AKAP9: variants seen among roughly 807,000 people sequenced by gnomAD.
AKAP9 encodes the protein A-kinase anchoring protein 9.
In AKAP9, 311 loss-of-function variants were observed where a neutral mutation model predicts 488.5. The ratio of observed to expected loss-of-function variants is 0.64; its 90% confidence interval spans 0.58 to 0.70. AKAP9 has a LOEUF of 0.70. Among genes scored for constraint, AKAP9 ranks in the 30% least tolerant of loss-of-function variants. The pLI is 0.00. For missense variants in AKAP9, 4,215 were observed against 4,374.5 expected, an observed-to-expected ratio of 0.96 and a Z score of 1.03; for synonymous variants, 1,462 against 1,483.5, an observed-to-expected ratio of 0.99 and a Z score of 0.33.
intron 26 of AKAP9, 41 bp downstream of exon 26, chr7:92,066,587 T>C: frequency 6.2e-7 from 1 of 1,608,666 alleles, no homozygotes; most frequent in Non-Finnish European, 8.5e-7. Context: ...CAGTAATTTG[T>C]ATCAAGTGTA....
intron 49 of AKAP9, 46 bp from the exon 50 acceptor site, chr7:92,110,076 G>A (rs1187668314): frequency 6.4e-6 from 9 of 1,417,074 alleles, no homozygotes. Context: ...GATACAGGTA[G>A]CAATGTAATT....
intron 14 of AKAP9, among the ~76,000 whole-genome samples, chr7:92,028,859 A>T (rs1245210544): frequency 6.6e-6 from 1 of 152,186 alleles, no homozygotes; most frequent in Non-Finnish European, 1.5e-5. Flanking sequence ...ATGTTTGTGG[A>T]GATCTGTATT....
At chr7:92,086,501 G>T (rs921813513) in intron 37 of AKAP9, 85 bp downstream of exon 37, 8 of 1,157,456 alleles carry the variant, frequency 6.9e-6, no homozygotes, top group Admixed American at 5.4e-5. Flanking sequence ...AAGTATGAAG[G>T]TTAAGATTTT....
chr7:92,082,407 C>G, intron 31 of AKAP9, 115 bp from the exon 32 acceptor site: 2 of 1,126,792 alleles, frequency 1.8e-6, no homozygotes, highest in Admixed American at 4.2e-5. Flanking sequence ...TGTTCCAACT[C>G]CTTATATCTG....
Position 91,980,313 on chromosome 7 carries a change from G to A in AKAP9, c.331G>A (p.Ala111Thr). ...VELESEISTT[A>T]DDCSSEVNGC... Reference sequence around the variant, plus strand: ...GCTGGAAAGTGAAATTTCAACCACAGCAGATGACTGCAGTTCAGAGGTAAG... The same window carrying A: ...GCTGGAAAGTGAAATTTCAACCACAACAGATGACTGCAGTTCAGAGGTAAG... The change falls in exon 3 of 50, where the codon GCA becomes ACA. Residue 111 changes from alanine to threonine, a missense_variant. Physicochemically the swap from Ala to Thr is moderately conservative, Grantham distance 58 (BLOSUM62 0). This residue lies in a region of AKAP9 where 2,361 missense variants were observed against 2,430.0 expected (regional missense o/e 0.97). Coordinates refer to ENST00000356239, the MANE Select transcript of AKAP9 (RefSeq NM_005751.5). 2 of 1,581,306 alleles carry A rather than the reference G, an allele frequency of 1.3e-6. No homozygotes were observed. Among genetic ancestry groups the A allele is most frequent in the South Asian group, 1.2e-5 (1 of 86,812 alleles).
intron 1 of AKAP9, among the ~76,000 whole-genome samples, chr7:91,962,236 G>A (rs1329702831): frequency 2.6e-5 from 4 of 152,080 alleles, no homozygotes; most frequent in African/African-American, 4.8e-5. Context: ...TAAGAAATTG[G>A]ATATATATGA....
In AKAP9 at chr7:92,038,711, G is replaced by A; in HGVS notation, c.4631G>A (p.Cys1544Tyr). The A allele has an allele frequency of 6.2e-7, 1 of 1,607,404 alleles. No individual in the cohort carries two copies. Among genetic ancestry groups the A allele is most frequent in the East Asian group, 2.2e-5 (1 of 44,790 alleles). Residue 1544 changes from cysteine (C) to tyrosine (Y), a missense_variant, in exon 17 of 50, where the codon TGT (cysteine) becomes TAT (tyrosine). This residue lies in a region of AKAP9 where 2,361 missense variants were observed against 2,430.0 expected (regional missense o/e 0.97). Coordinates refer to ENST00000356239, the MANE Select transcript of AKAP9 (RefSeq NM_005751.5). Reference protein sequence around the residue: ...DPHDIPESKDCVLTISEEMFS... With the variant: ...DPHDIPESKDYVLTISEEMFS... Reference sequence around the variant, plus strand: ...CATGATATACCAGAATCAAAGGACTGTGTGCTGACTATTTCAGAAGAAATG... The same window carrying A: ...CATGATATACCAGAATCAAAGGACTATGTGCTGACTATTTCAGAAGAAATG...
chr7:92,049,632 A>C (rs1439320118), intron 21 of AKAP9, among the ~76,000 whole-genome samples: 1 of 151,922 alleles, frequency 6.6e-6, no homozygotes, highest in Non-Finnish European at 1.5e-5. Context: ...TAATAATAAA[A>C]TAAATAAATA....
intron 23 of AKAP9, among the ~76,000 whole-genome samples, chr7:92,061,675 A>AAAAAGGAT (rs1430852351): frequency 1.3e-5 from 2 of 149,016 alleles, no homozygotes; most frequent in Non-Finnish European, 3.0e-5. Context: ...AGAAAATACC[A>AAAAAGGAT]AAAAGGATAG....
chr7:92,102,476 TACTACTACTACTACC>T (rs1378592959), intron 45 of AKAP9, 103 bp from the exon 46 acceptor site: 6 of 715,950 alleles, frequency 8.4e-6, no homozygotes, highest in Admixed American at 2.1e-5. Flanking sequence ...CTACTACTAC[TACTACTACTACTACC>T]ACCACCACCA....
chr7:92,074,890 T>C (rs1231034998), intron 28 of AKAP9, among the ~76,000 whole-genome samples: 4 of 152,082 alleles, frequency 2.6e-5, no homozygotes, highest in Admixed American at 2.0e-4. Context: ...AGGGATAGCA[T>C]TGGGAGAAAC....
Position 92,001,065 on chromosome 7 carries a change from C to A in AKAP9, c.1148C>A (p.Ser383Tyr). Reference sequence around the variant, plus strand: ...AACATGAAATTAGAGCTGACTAATTCTAAGCAAAAAGAAAGACAGTCTTCT... The same window carrying A: ...AACATGAAATTAGAGCTGACTAATTATAAGCAAAAAGAAAGACAGTCTTCT... ...IKNMKLELTN[S>Y]KQKERQSSEE... Residue 383 changes from serine to tyrosine, a missense_variant, in exon 8 of 50, where the codon TCT (serine) becomes TAT (tyrosine). Around this residue, in one of 5 missense-constraint regions of AKAP9, gnomAD observed 2,361 missense variants for 2,430.0 expected, o/e 0.97. Coordinates refer to ENST00000356239, the MANE Select transcript of AKAP9 (RefSeq NM_005751.5). The A allele has an allele frequency of 6.2e-7, 1 of 1,612,128 alleles. No homozygotes were observed. The highest frequency in any genetic ancestry group is 1.3e-5 in the African/African-American group (1 of 74,916).
Position 91,941,003 on chromosome 7 carries a change from T to G in AKAP9, c.-97T>G. The G allele has an allele frequency of 1.6e-6, 2 of 1,284,378 alleles. No homozygotes were observed. The highest frequency in any genetic ancestry group is 2.3e-6 in the Non-Finnish European group (2 of 879,446). The allele number at this position is 1,284,378 out of a possible 1,614,324, so 79.6% of individuals were successfully genotyped here. On this transcript the variant is annotated 5_prime_UTR_variant, in exon 1 of 50. Coordinates refer to ENST00000356239, the MANE Select transcript of AKAP9 (RefSeq NM_005751.5). The stretch of plus-strand genomic sequence containing the variant: ...CGGACCGAATCGGCTCTCTAGGCCG[T>G]GGAGCTTGCCGTCCCACCTCCGTCC...
intron 1 of AKAP9, among the ~76,000 whole-genome samples, chr7:91,955,833 C>T (rs1470587863): frequency 1.3e-5 from 2 of 152,090 alleles, no homozygotes; most frequent in Non-Finnish European, 2.9e-5. Context: ...AGGGTCTCGC[C>T]GTGTTGGCCA....
intron 4 of AKAP9, 140 bp downstream of exon 4, chr7:91,992,351 T>C (rs755420822): frequency 2.1e-5 from 16 of 750,744 alleles, no homozygotes; most frequent in Non-Finnish European, 3.3e-5. Context: ...AAAACAAAGT[T>C]ATCTACCATT....
Position 92,001,735 on chromosome 7 carries a change from A to G in AKAP9, c.1818A>G (p.Glu606=), listed in dbSNP as rs780179627. 4 of 1,613,060 alleles carry G rather than the reference A, an allele frequency of 2.5e-6. No homozygotes were observed. Among genetic ancestry groups the G allele is most frequent in the Non-Finnish European group, 2.5e-6 (3 of 1,179,754 alleles). Residue 606 remains glutamate (E), a synonymous_variant, in exon 8 of 50, where the codon GAA becomes GAG. Transcript: ENST00000356239. ...YKIKLEMLEK[E]KNAVLDRMAE... is the part of the protein sequence containing the mutation. ...TAAAACTTGAAATGTTAGAAAAAGA[A>G]AAGAATGCTGTGTTAGACAGAATGG...
At chr7:92,073,699 G>C (rs1584432918) in intron 28 of AKAP9, among the ~76,000 whole-genome samples, 1 of 152,142 alleles carries the variant, frequency 6.6e-6, no homozygotes, top group East Asian at 1.9e-4. Flanking sequence ...GACTGAATAA[G>C]AGGAAAGAAT....
intron 20 of AKAP9, among the ~76,000 whole-genome samples, 194 bp from the exon 21 acceptor site, chr7:92,044,814 A>G (rs1806696782): frequency 6.6e-6 from 1 of 152,214 alleles, no homozygotes; most frequent in African/African-American, 2.4e-5. Flanking sequence ...GACAAAAACA[A>G]ATCATTTTAT....
intron 7 of AKAP9, among the ~76,000 whole-genome samples, chr7:91,997,665 G>T (rs956680632): frequency 6.6e-6 from 1 of 152,152 alleles, no homozygotes; most frequent in African/African-American, 2.4e-5. Context: ...CTTTCCAGGA[G>T]GTAAGAGTGG....
Sources: allele counts gnomAD v4.1 joint callset (sites outside exome capture counted in the v4.1 genomes callset), GRCh38; gene constraint gnomAD v4.1.1; regional missense constraint gnomAD v4.1.1; transcripts MANE v1.5; gene names NCBI Gene and HGNC (gene_info 2026-07-23, HGNC 2026-07-21).